GPC5: variants seen among roughly 807,000 people sequenced by gnomAD.
The protein encoded by GPC5 is glypican 5.
GPC5 carries 47 observed loss-of-function variants against 53.9 expected under a neutral mutation model. The ratio of observed to expected loss-of-function variants is 0.87; its 90% CI spans 0.69 to 1.11. GPC5 has a LOEUF of 1.11. GPC5 is among the 50% of genes most tolerant of loss of function. The pLI is 0.00. For synonymous variants in GPC5, 286 were observed against 263.3 expected, an observed-to-expected ratio of 1.09 and a Z score of -0.84; for missense variants, 748 against 713.1, an observed-to-expected ratio of 1.05 and a Z score of -0.56.
chr13:91,411,494 A>C (rs1877789295), intron 1 of GPC5, among the ~76,000 whole-genome samples: 1 of 152,122 alleles, frequency 6.6e-6, no homozygotes, highest in African/African-American at 2.4e-5. Context: ...TGGCTCTGGC[A>C]GTTAATGGGA....
rs369862342 is a variant in GPC5 at position 92,198,548 on chromosome 13, G to A, written c.1561+53559G>A. ...GCTTCCATCATGAATGTGGATTAAT[G>A]TGGACTGATGTGGATTAAATGTAGG... On this transcript the variant is annotated intron_variant, in intron 7 of 7. Transcript: ENST00000377067. Among the ~76,000 whole-genome samples the A allele has an allele frequency of 1.1e-4, 16 of 152,310 alleles. No individual in the cohort carries two copies. In the South Asian group the frequency reaches 3.3e-3, roughly 32 times the overall value.
intron 7 of GPC5, among the ~76,000 whole-genome samples, chr13:92,201,843 G>A (rs562500563): frequency 5.3e-4 from 80 of 152,276 alleles, no homozygotes; most frequent in African/African-American, 1.8e-3. Flanking sequence ...TAATACATCT[G>A]ACAATTGATG....
chr13:91,462,177 C>A (rs1284584309), intron 2 of GPC5, among the ~76,000 whole-genome samples: 1 of 152,194 alleles, frequency 6.6e-6, no homozygotes, highest in East Asian at 1.9e-4. Context: ...GCTTAACAAA[C>A]GCCGTGGTCT....
chr13:92,600,759 G>A (rs561641432), intron 7 of GPC5, among the ~76,000 whole-genome samples: 7 of 151,128 alleles, frequency 4.6e-5, no homozygotes, highest in Non-Finnish European at 7.4e-5. Context: ...CACACACCTC[G>A]GCCTCCCAAA....
chr13:92,364,045 A>T (rs538764725), intron 7 of GPC5, among the ~76,000 whole-genome samples: 2 of 151,766 alleles, frequency 1.3e-5, no homozygotes, highest in African/African-American at 2.4e-5. Context: ...GAAGAATTTT[A>T]TTAAGCATAT....
At chr13:92,854,723 A>C (rs1878938143) in intron 7 of GPC5, among the ~76,000 whole-genome samples, 1 of 151,960 alleles carries the variant, frequency 6.6e-6, no homozygotes, top group Admixed American at 6.6e-5. Context: ...AGAAATCTAA[A>C]AGTTTAGCAC....
intron 7 of GPC5, among the ~76,000 whole-genome samples, chr13:92,505,201 C>T (rs1880325449): frequency 6.6e-6 from 1 of 151,392 alleles, no homozygotes; most frequent in Non-Finnish European, 1.5e-5. Context: ...ATAGAAAGAG[C>T]AAAAATATGT....
intron 7 of GPC5, among the ~76,000 whole-genome samples, chr13:92,222,563 T>C (rs1257997641): frequency 3.3e-5 from 5 of 152,146 alleles, no homozygotes; most frequent in African/African-American, 4.8e-5. Context: ...TTCTATTTCT[T>C]TCACTGTTGT....
intron 2 of GPC5, among the ~76,000 whole-genome samples, chr13:91,462,721 A>G (rs1254066723): frequency 1.3e-5 from 2 of 152,002 alleles, no homozygotes; most frequent in Admixed American, 6.6e-5. Flanking sequence ...GTGGGTCAAA[A>G]GTGTCCATTG....
intron 5 of GPC5, among the ~76,000 whole-genome samples, chr13:91,768,076 T>A (rs1368940416): frequency 1.3e-5 from 2 of 152,314 alleles, no homozygotes; most frequent in East Asian, 3.9e-4. Context: ...TATTGTTTAT[T>A]AGTCTAGTTC....
intron 7 of GPC5, among the ~76,000 whole-genome samples, chr13:92,199,987 T>C (rs1011581539): frequency 1.4e-4 from 21 of 152,304 alleles, no homozygotes; most frequent in Non-Finnish European, 2.6e-4. Context: ...TAGTATGTCA[T>C]GCTGAAAAAC....
At chr13:92,573,186 G>C (rs2139043308) in intron 7 of GPC5, among the ~76,000 whole-genome samples, 1 of 152,204 alleles carries the variant, frequency 6.6e-6, no homozygotes, top group East Asian at 1.9e-4. Flanking sequence ...TAAAGATCGT[G>C]GCTACTGGTC....
chr13:92,209,368 TAGAA>T (rs2042358963), intron 7 of GPC5, among the ~76,000 whole-genome samples: 1 of 152,130 alleles, frequency 6.6e-6, no homozygotes, highest in Non-Finnish European at 1.5e-5. Flanking sequence ...GGTCACCAAA[TAGAA>T]AGAAAAGGGT....
intron 3 of GPC5, among the ~76,000 whole-genome samples, chr13:91,713,831 C>T (rs922109696): frequency 1.3e-5 from 2 of 152,176 alleles, no homozygotes; most frequent in Admixed American, 6.6e-5. Context: ...GATTTTATAA[C>T]CTAAATATGT....
chr13:92,359,843 C>T (rs902489675), intron 7 of GPC5, among the ~76,000 whole-genome samples: 4 of 151,698 alleles, frequency 2.6e-5, no homozygotes, highest in Non-Finnish European at 5.9e-5. Context: ...CACCAGGACC[C>T]TCCTCCAAAA....
intron 4 of GPC5, among the ~76,000 whole-genome samples, chr13:91,755,016 A>G (rs1282113718): frequency 1.3e-5 from 2 of 152,122 alleles, no homozygotes; most frequent in Non-Finnish European, 2.9e-5. Context: ...ATTTGAAAGT[A>G]ATATTTATCT....
intron 5 of GPC5, among the ~76,000 whole-genome samples, chr13:91,857,684 C>CTTGTTCCCAACTATATA (rs2038981703): frequency 1.3e-5 from 2 of 150,848 alleles, no homozygotes; most frequent in African/African-American, 4.9e-5. Flanking sequence ...ACATACTTGC[C>CTTGTTCCCAACTATATA]TTGTTCCCAA....
chr13:92,859,821 A>G (rs985774058), intron 7 of GPC5, among the ~76,000 whole-genome samples: 1 of 152,178 alleles, frequency 6.6e-6, no homozygotes, highest in African/African-American at 2.4e-5. Flanking sequence ...TTTCAAAATC[A>G]GATGTGTGTT....
chr13:92,165,189 T>C (rs2042018365), intron 7 of GPC5, among the ~76,000 whole-genome samples: 1 of 152,216 alleles, frequency 6.6e-6, no homozygotes, highest in South Asian at 2.1e-4. Flanking sequence ...GCAGTCTGCT[T>C]GAATTTCTCC....
Sources: gnomAD v4.1 joint callset for allele counts (sites outside exome capture counted in the v4.1 genomes callset) on GRCh38, gnomAD v4.1.1 for gene constraint, MANE v1.5 for transcripts, NCBI Gene and HGNC (gene_info 2026-07-23, HGNC 2026-07-21) for gene names.